KCNG2: variants seen among roughly 807,000 people sequenced by gnomAD.
KCNG2 encodes voltage-gated potassium channel regulatory subunit KCNG2.
KCNG2 carries 7 observed loss-of-function variants against 12.3 expected under a neutral mutation model. That is an observed-to-expected ratio of 0.57 (90% CI 0.32 to 1.07). The LOEUF is 1.07. Among genes scored for constraint, KCNG2 ranks in the 50% least tolerant of loss-of-function variants. The pLI, the probability that KCNG2 is intolerant of heterozygous loss-of-function variation, is 0.04. For missense variants in KCNG2, 703 were observed against 726.0 expected (o/e 0.97, Z 0.36); for synonymous variants, 414 against 351.4 (o/e 1.18, Z -1.99).
At chr18:79,875,217 G>C (rs541769101) in intron 3 of KCNG2, among the ~76,000 whole-genome samples, 5 of 152,196 alleles carry the variant, frequency 3.3e-5, no homozygotes, top group Non-Finnish European at 7.4e-5. Flanking sequence ...TTGTCTGATG[G>C]GGTCCTAAGA....
chr18:79,890,347 T>A (rs7505298), intron 3 of KCNG2, among the ~76,000 whole-genome samples: 2 of 151,898 alleles, frequency 1.3e-5, no homozygotes, highest in Admixed American at 6.6e-5. Context: ...TTAGGTTCAG[T>A]GGGTATGTGT....
At chr18:79,830,540 G>A (rs1599378033) in intron 1 of KCNG2, among the ~76,000 whole-genome samples, 1 of 152,284 alleles carries the variant, frequency 6.6e-6, no homozygotes, top group Non-Finnish European at 1.5e-5. Context: ...GGAATGTGGG[G>A]AAAGAAGCAA....
chr18:79,856,799 G>T lies in KCNG2; in HGVS notation c.-41+347G>T, dbSNP rs541979898. Among the ~76,000 whole-genome samples the T allele has an allele frequency of 4.5e-4, 69 of 152,094 alleles. 1 individual carries two copies. The highest frequency in any genetic ancestry group is 3.4e-3 in the Middle Eastern group (1 of 294). On this transcript the variant is annotated intron_variant, in intron 2 of 3. Transcript: ENST00000316249. ...TTCCGGGCAGTTTCTGAGGCAGCAC[G>T]TTCAGACGACTTCCTGCTGCATTAG...
At chr18:79,871,249 T>G (rs1354795831) in intron 3 of KCNG2, among the ~76,000 whole-genome samples, 1 of 152,246 alleles carries the variant, frequency 6.6e-6, no homozygotes, top group South Asian at 2.1e-4. Context: ...TCCCGCCTCC[T>G]GGCAGCGCAA....
rs1568262050 is a variant in KCNG2 at position 79,865,487 on chromosome 18, G to GCTGAGAGGTCTGGGTATGAGGTCTGGGTA, written c.624+1208_624+1209insGGTATGAGGTCTGGGTACTGAGAGGTCTG. Among the ~76,000 whole-genome samples, 13 of 117,398 alleles carry GCTGAGAGGTCTGGGTATGAGGTCTGGGTA rather than the reference G, an allele frequency of 1.1e-4. 2 individuals are homozygous for GCTGAGAGGTCTGGGTATGAGGTCTGGGTA. Among genetic ancestry groups the GCTGAGAGGTCTGGGTATGAGGTCTGGGTA allele is most frequent in the Non-Finnish European group, 1.8e-4 (10 of 55,440 alleles). 77.0% of individuals were successfully genotyped at this position (117,398 alleles called of 152,430 possible). On this transcript the variant is annotated intron_variant, in intron 3 of 3. Coordinates refer to ENST00000316249, the MANE Select transcript of KCNG2 (RefSeq NM_012283.2). ...AGAGGTCTGGGTATGAGGTCTGGGTGCTGAGAGGTCTGAGTGCTGAGAGGT... is the reference window on the plus strand; with the variant it reads ...AGAGGTCTGGGTATGAGGTCTGGGTGCTGAGAGGTCTGGGTATGAGGTCTGGGTACTGAGAGGTCTGAGTGCTGAGAGGT...
chr18:79,856,445 AG>A lies in KCNG2; in HGVS notation c.-47del, dbSNP rs1296213406. ...GAAAGAGAATACCCTGTACCTTCACAGAGCCAGGTAAACCCAGAACCTGCCA... is the reference window on the plus strand; with the variant it reads ...GAAAGAGAATACCCTGTACCTTCACAAGCCAGGTAAACCCAGAACCTGCCA... On this transcript the variant is annotated 5_prime_UTR_variant, in exon 2 of 4. Transcript: ENST00000316249. Among the ~76,000 whole-genome samples, 15 of 152,236 alleles carry A rather than the reference AG, an allele frequency of 9.9e-5. No homozygotes were observed. The highest frequency in any genetic ancestry group is 3.4e-4 in the African/African-American group (14 of 41,458).
chr18:79,843,246 C>T (rs1348289755), intron 1 of KCNG2, among the ~76,000 whole-genome samples: 6 of 152,122 alleles, frequency 3.9e-5, no homozygotes, highest in African/African-American at 4.8e-5. Flanking sequence ...ATATTATACT[C>T]GGCAAAGCTG....
At chr18:79,892,758 C>T (rs1476620880) in intron 3 of KCNG2, among the ~76,000 whole-genome samples, 1 of 151,644 alleles carries the variant, frequency 6.6e-6, no homozygotes, top group Non-Finnish European at 1.5e-5. Flanking sequence ...TTGGGTTGTT[C>T]ACTCCATTCA....
chr18:79,828,730 T>C (rs1978288284), intron 1 of KCNG2, among the ~76,000 whole-genome samples: 1 of 151,358 alleles, frequency 6.6e-6, no homozygotes, highest in Non-Finnish European at 1.5e-5. Context: ...GTCCATGATG[T>C]GTGCATGTGT....
At chr18:79,809,277 C>G (rs1419725254) in intron 1 of KCNG2, among the ~76,000 whole-genome samples, 1 of 68,080 alleles carries the variant, frequency 1.5e-5, no homozygotes, top group Non-Finnish European at 2.8e-5. Flanking sequence ...TGAGGAGCTG[C>G]CGGGGACACA....
intron 1 of KCNG2, among the ~76,000 whole-genome samples, chr18:79,819,866 A>T (rs2087558332): frequency 6.6e-6 from 1 of 152,124 alleles, no homozygotes. Flanking sequence ...CCATAGTGCC[A>T]CCTCCAACCC....
At chr18:79,804,719 G>A (rs947316884) in intron 1 of KCNG2, among the ~76,000 whole-genome samples, 15 of 152,200 alleles carry the variant, frequency 9.9e-5, no homozygotes, top group African/African-American at 3.6e-4. Context: ...GGGAACAAGT[G>A]GAGGGCCTCT....
At chr18:79,895,839 G>A (rs943916916) in intron 3 of KCNG2, among the ~76,000 whole-genome samples, 1 of 152,232 alleles carries the variant, frequency 6.6e-6, no homozygotes, top group East Asian at 1.9e-4. Context: ...GTCTGTGTCT[G>A]CCACATCTTA....
intron 1 of KCNG2, among the ~76,000 whole-genome samples, chr18:79,827,382 A>G (rs902449622): frequency 2.0e-5 from 3 of 152,208 alleles, no homozygotes; most frequent in Non-Finnish European, 4.4e-5. Context: ...CCTTGGTCAG[A>G]GTTCCAGGTG....
chr18:79,835,004 TATG>T (rs1192313465), intron 1 of KCNG2, among the ~76,000 whole-genome samples: 1 of 152,130 alleles, frequency 6.6e-6, no homozygotes, highest in Admixed American at 6.5e-5. Flanking sequence ...CGGCCACCCA[TATG>T]GGGAGCAGTA....
chr18:79,826,996 C>T (rs1978286661), intron 1 of KCNG2, among the ~76,000 whole-genome samples: 1 of 152,226 alleles, frequency 6.6e-6, no homozygotes, highest in Non-Finnish European at 1.5e-5. Context: ...TGGCTTCTGC[C>T]CGCTTTCTGT....
intron 1 of KCNG2, among the ~76,000 whole-genome samples, chr18:79,823,385 C>G (rs1043177756): frequency 6.6e-6 from 1 of 152,186 alleles, no homozygotes; most frequent in East Asian, 1.9e-4. Context: ...GGTCATTAGC[C>G]AGCCGGATGT....
Position 79,822,735 on chromosome 18 carries a change from C to T in KCNG2, c.-115+24721C>T, listed in dbSNP as rs764584878. ...GTGAGCACCGTGCTGGGCCTTCAAACGTGTGCTGTGCTCACCCCGAGAGAC... is the reference window on the plus strand; with the variant it reads ...GTGAGCACCGTGCTGGGCCTTCAAATGTGTGCTGTGCTCACCCCGAGAGAC... On this transcript the variant is annotated intron_variant, in intron 1 of 3. Transcript: ENST00000316249. This position sits in a 1 kb window ranked among gnomAD's most constrained non-coding sequence, Gnocchi z 4.4. 3.3e-5 allele frequency among the ~76,000 whole-genome samples: 5 copies of T among 152,222 alleles called. No individual in the cohort carries two copies. The highest frequency in any genetic ancestry group is 5.9e-5 in the Non-Finnish European group (4 of 68,046).
intron 2 of KCNG2, 84 bp from the exon 3 acceptor site, chr18:79,863,544 C>T: frequency 2.8e-6 from 3 of 1,063,766 alleles, no homozygotes; most frequent in Non-Finnish European, 1.2e-6. Context: ...GGTTCGGTGC[C>T]GGCCCGGCCC....
Sources: gnomAD v4.1 joint callset for allele counts (sites outside exome capture counted in the v4.1 genomes callset) on GRCh38, gnomAD v4.1.1 for gene constraint, Gnocchi (gnomAD v3.1) non-coding constraint, MANE v1.5 for transcripts, NCBI Gene and HGNC (gene_info 2026-07-23, HGNC 2026-07-21) for gene names.